KLF12: variants seen among roughly 807,000 people sequenced by gnomAD.
The protein encoded by KLF12 is Krueppel-like factor 12.
KLF12 carries 9 observed loss-of-function variants against 37.8 expected under a neutral mutation model. That is an observed-to-expected ratio of 0.24 (90% CI 0.14 to 0.42). KLF12 has a LOEUF of 0.42. KLF12 is among the 10% of genes least tolerant of loss of function. The pLI is 1.00. For missense variants in KLF12, 411 were observed against 516.0 expected (o/e 0.80, Z 1.97); for synonymous variants, 208 against 202.1 (o/e 1.03, Z -0.25).
At chr13:73,803,794 A>T (rs1049286300) in intron 5 of KLF12, among the ~76,000 whole-genome samples, 13 of 150,928 alleles carry the variant, frequency 8.6e-5, no homozygotes, top group Admixed American at 5.3e-4. Context: ...ACACACACAC[A>T]CACACACACA....
chr13:74,074,658 G>T (rs1048467171), intron 1 of KLF12, among the ~76,000 whole-genome samples: 1 of 152,152 alleles, frequency 6.6e-6, no homozygotes, highest in African/African-American at 2.4e-5. Context: ...TAGGTTTGGG[G>T]GTACATGTGA....
the KLF12 span, among the ~76,000 whole-genome samples, chr13:74,151,402 G>T: frequency 6.6e-6 from 1 of 152,302 alleles, no homozygotes; most frequent in African/African-American, 2.4e-5. Context: ...TGTGATCCGA[G>T]CACTTAGGGA....
chr13:74,044,858 C>G (rs1445917212), intron 1 of KLF12, among the ~76,000 whole-genome samples: 1 of 144,504 alleles, frequency 6.9e-6, no homozygotes, highest in Non-Finnish European at 1.5e-5. Context: ...AACAGAAAGT[C>G]TCAAAAAAAA....
chr13:74,003,247 C>T (rs1225042594), intron 1 of KLF12, among the ~76,000 whole-genome samples: 1 of 152,084 alleles, frequency 6.6e-6, no homozygotes, highest in East Asian at 1.9e-4. Context: ...AAAGCTGAGT[C>T]TTGAAAAATG....
chr13:74,104,987 C>CT (rs1876574572), intron 1 of KLF12, among the ~76,000 whole-genome samples: 1 of 152,254 alleles, frequency 6.6e-6, no homozygotes, highest in South Asian at 2.1e-4. Context: ...GTTGGCATCT[C>CT]TTTTTTTAAG....
chr13:73,756,206 G>A (rs1879157785), intron 6 of KLF12, among the ~76,000 whole-genome samples: 1 of 152,168 alleles, frequency 6.6e-6, no homozygotes, highest in Non-Finnish European at 1.5e-5. Context: ...GACTAATTTA[G>A]CATAAGTGAG....
chr13:74,278,784 G>A, the KLF12 span, among the ~76,000 whole-genome samples: 1 of 152,166 alleles, frequency 6.6e-6, no homozygotes, highest in African/African-American at 2.4e-5. Flanking sequence ...ATCTCATTTT[G>A]AAATGTAGCA....
At chr13:73,992,467 G>GT (rs1201882008) in intron 2 of KLF12, among the ~76,000 whole-genome samples, 1 of 152,062 alleles carries the variant, frequency 6.6e-6, no homozygotes, top group Non-Finnish European at 1.5e-5. Context: ...TTTTTTGTTT[G>GT]TTTTTGTTTT....
chr13:73,834,361 C>G lies in KLF12; in HGVS notation c.670+11466G>C, dbSNP rs116568983. On this transcript the variant is annotated intron_variant, in intron 4 of 7. Transcript: ENST00000377669. ...ATGCTCCTACTGAACTCCTAAGACC[C>G]TAGTATTTGAAAAGGCAGTTTATCT... 2.0e-5 allele frequency among the ~76,000 whole-genome samples: 3 copies of G among 152,150 alleles called. No homozygotes were observed. The East Asian group carries it at 5.8e-4, about 29-fold the overall frequency.
At chr13:74,072,404 T>TATATATATATATAA (rs1397789699) in intron 1 of KLF12, among the ~76,000 whole-genome samples, 1 of 118,040 alleles carries the variant, frequency 8.5e-6, no homozygotes, top group Non-Finnish European at 1.8e-5. Flanking sequence ...TATATATATA[T>TATATATATATATAA]ATAAAAGATT....
intron 6 of KLF12, among the ~76,000 whole-genome samples, chr13:73,759,256 C>T (rs986823831): frequency 6.6e-6 from 1 of 152,124 alleles, no homozygotes; most frequent in Non-Finnish European, 1.5e-5. Context: ...TTAAAAAGAC[C>T]ATGAAGGCTT....
chr13:73,695,678 G>C lies in KLF12; in HGVS notation c.1028-7C>G. ...CACTTGTAAGGTTTCTCTCCTGGAA[G>C]AAACAAAGGAACACAAGCTTTGGTG... On this transcript the variant is annotated splice_polypyrimidine_tract_variant and splice_region_variant and intron_variant, in intron 7 of 7. Transcript: ENST00000377669. 1 of 1,613,164 alleles carries C rather than the reference G, an allele frequency of 6.2e-7. No homozygotes were observed. Among genetic ancestry groups the C allele is most frequent in the Non-Finnish European group, 8.5e-7 (1 of 1,179,352 alleles).
the KLF12 span, among the ~76,000 whole-genome samples, chr13:74,153,970 G>A: frequency 6.6e-6 from 1 of 152,076 alleles, no homozygotes; most frequent in African/African-American, 2.4e-5. Context: ...GCTTATGCCT[G>A]TAATCCCAGC....
chr13:74,076,987 T>C (rs530131588), intron 1 of KLF12, among the ~76,000 whole-genome samples: 1 of 152,330 alleles, frequency 6.6e-6, no homozygotes, highest in African/African-American at 2.4e-5. Context: ...CATTCTTTAT[T>C]ATGGCTGCAT....
the KLF12 span, among the ~76,000 whole-genome samples, chr13:74,175,889 C>A: frequency 1.3e-5 from 2 of 152,108 alleles, no homozygotes; most frequent in African/African-American, 4.8e-5. Context: ...ATCATCCTTG[C>A]CAAAAAGGAA....
chr13:74,114,599 T>G (rs985886380), intron 1 of KLF12, among the ~76,000 whole-genome samples: 2 of 152,192 alleles, frequency 1.3e-5, no homozygotes, highest in African/African-American at 4.8e-5. Context: ...GAAGTATGAA[T>G]GAAAGGCAAT....
At chr13:74,024,446 G>C (rs74615786) in intron 1 of KLF12, among the ~76,000 whole-genome samples, 4 of 152,132 alleles carry the variant, frequency 2.6e-5, no homozygotes, top group African/African-American at 9.7e-5. Context: ...GCATCATTCT[G>C]TCATGCTCAA....
At chr13:73,836,002 C>G (rs376123966) in intron 4 of KLF12, among the ~76,000 whole-genome samples, 2 of 151,226 alleles carry the variant, frequency 1.3e-5, no homozygotes, top group South Asian at 2.1e-4. Context: ...GTAAATTGCC[C>G]ATAAAACATT....
At chr13:74,227,554 G>A in the KLF12 span, among the ~76,000 whole-genome samples, 1 of 152,012 alleles carries the variant, frequency 6.6e-6, no homozygotes, top group Non-Finnish European at 1.5e-5. Flanking sequence ...CTTGGCCAAA[G>A]TTTTTTCTAT....
Sources: gnomAD v4.1 joint callset for allele counts (sites outside exome capture counted in the v4.1 genomes callset) on GRCh38, gnomAD v4.1.1 for gene constraint, MANE v1.5 for transcripts, NCBI Gene and HGNC (gene_info 2026-07-23, HGNC 2026-07-21) for gene names.